The following MYRIP variants were observed in gnomAD, a reference collection of about 807,000 sequenced individuals.
MYRIP encodes myosin VIIA and Rab interacting protein, also known as rab effector MyRIP.
Under a neutral mutation model 98.0 loss-of-function variants are expected in MYRIP, and 49 were observed. The observed-to-expected ratio is 0.50, with a 90% confidence interval of 0.40 to 0.63. The LOEUF (loss-of-function observed/expected upper bound fraction) is 0.63, where lower values mean the gene tolerates loss of function less well. MYRIP is among the 30% of genes least tolerant of loss of function. MYRIP has a pLI of 0.00. For missense variants in MYRIP, 1,004 were observed against 1,058.2 expected, an observed-to-expected ratio of 0.95 and a Z score of 0.71; for synonymous variants, 404 against 409.5, an observed-to-expected ratio of 0.99 and a Z score of 0.16.
At chr3:39,976,314 T>C (rs1433762265) in intron 2 of MYRIP, among the ~76,000 whole-genome samples, 4 of 152,166 alleles carry the variant, frequency 2.6e-5, no homozygotes, top group African/African-American at 9.6e-5. Context: ...TCACTGGCCA[T>C]CAGAGAAATG....
chr3:40,157,672 A>C lies in MYRIP; in HGVS notation c.470-5058A>C, dbSNP rs1478536531. On this transcript the variant is annotated intron_variant, in intron 4 of 16. Coordinates refer to ENST00000302541, the MANE Select transcript of MYRIP (RefSeq NM_015460.4). Reference sequence around the variant, plus strand: ...CTATTGATTATTGCCACAATTTCAGATCCTGTTATTGGTCTATTCAGAGAT... The same window carrying C: ...CTATTGATTATTGCCACAATTTCAGCTCCTGTTATTGGTCTATTCAGAGAT... Among the ~76,000 whole-genome samples, 16 of 149,972 alleles carry C rather than the reference A, an allele frequency of 1.1e-4. No individual in the cohort carries two copies. In the East Asian group the frequency reaches 1.8e-3, roughly 17 times the overall value.
At chr3:40,088,973 G>A (rs906959239) in intron 3 of MYRIP, among the ~76,000 whole-genome samples, 1 of 151,922 alleles carries the variant, frequency 6.6e-6, no homozygotes, top group Non-Finnish European at 1.5e-5. Context: ...CACAGAGAGA[G>A]AGAGATCTAG....
intron 3 of MYRIP, among the ~76,000 whole-genome samples, chr3:40,141,248 GTCT>G (rs1559418147): frequency 6.6e-6 from 1 of 152,150 alleles, no homozygotes; most frequent in African/African-American, 2.4e-5. Flanking sequence ...TCATTTGTAT[GTCT>G]TCTTTTAAAA....
intron 3 of MYRIP, among the ~76,000 whole-genome samples, chr3:40,074,275 C>T (rs147955540): frequency 1.9e-4 from 29 of 152,062 alleles, no homozygotes; most frequent in African/African-American, 6.5e-4. Flanking sequence ...AGGGTTTCAC[C>T]GTGTTAGCCA....
At chr3:40,043,706 A>T (rs1947599804) in intron 2 of MYRIP, among the ~76,000 whole-genome samples, 2 of 152,194 alleles carry the variant, frequency 1.3e-5, no homozygotes, top group Admixed American at 1.3e-4. Context: ...TGCTCCTTTA[A>T]AAAGGCATTA....
chr3:39,907,761 C>T (rs924334849), intron 2 of MYRIP, among the ~76,000 whole-genome samples: 15 of 152,144 alleles, frequency 9.9e-5, no homozygotes, highest in African/African-American at 1.4e-4. Flanking sequence ...TGAAGAAACA[C>T]GCTCAGAGGG....
intron 11 of MYRIP, among the ~76,000 whole-genome samples, chr3:40,232,463 A>C (rs1952690276): frequency 6.6e-6 from 1 of 152,204 alleles, no homozygotes; most frequent in South Asian, 2.1e-4. Context: ...GGAGGAACAC[A>C]TTTTGCAAAA....
chr3:39,886,737 A>C (rs992510991), intron 1 of MYRIP, among the ~76,000 whole-genome samples: 9 of 150,746 alleles, frequency 6.0e-5, no homozygotes, highest in Admixed American at 5.9e-4. Context: ...CACATTAATA[A>C]TGGGAGACTT....
intron 2 of MYRIP, among the ~76,000 whole-genome samples, chr3:40,022,536 A>T (rs1947020524): frequency 6.6e-6 from 1 of 152,196 alleles, no homozygotes; most frequent in Admixed American, 6.5e-5. Flanking sequence ...AATGGCTCTG[A>T]GTATTCATGG....
chr3:40,111,785 A>G (rs1018392824), intron 3 of MYRIP, among the ~76,000 whole-genome samples: 9 of 152,196 alleles, frequency 5.9e-5, no homozygotes, highest in Non-Finnish European at 1.3e-4. Flanking sequence ...ATTATTTGGT[A>G]CACTAAGTAA....
intron 2 of MYRIP, among the ~76,000 whole-genome samples, chr3:40,015,378 C>A (rs1946840489): frequency 1.3e-5 from 2 of 152,208 alleles, no homozygotes; most frequent in Non-Finnish European, 1.5e-5. Context: ...CAGAGTACTG[C>A]AAAGACAAGT....
chr3:40,140,387 A>G (rs778846828), intron 3 of MYRIP, among the ~76,000 whole-genome samples: 3 of 152,184 alleles, frequency 2.0e-5, no homozygotes, highest in Non-Finnish European at 4.4e-5. Flanking sequence ...GGTTAATTCC[A>G]TATCTTGGCT....
upstream of MYRIP, chr3:39,809,520 C>T (rs1284489495): frequency 6.7e-6 from 1 of 148,480 alleles, no homozygotes; most frequent in Non-Finnish European, 1.5e-5. Flanking sequence ...CCTGCACGCG[C>T]CCCCGCCCCG....
chr3:40,143,428 G>A (rs570431142), intron 3 of MYRIP, among the ~76,000 whole-genome samples: 4 of 152,152 alleles, frequency 2.6e-5, no homozygotes, highest in South Asian at 2.1e-4. Context: ...CCCTCTCCCC[G>A]CACCTCTGCC....
intron 1 of MYRIP, chr3:39,810,858 C>G (rs1367574630): frequency 6.6e-6 from 1 of 152,306 alleles, no homozygotes; most frequent in Non-Finnish European, 1.5e-5. Context: ...GAAGCGAGTA[C>G]GCTGTGGGCT....
intron 3 of MYRIP, among the ~76,000 whole-genome samples, chr3:40,078,403 G>A (rs1220037308): frequency 3.3e-5 from 5 of 152,190 alleles, no homozygotes; most frequent in East Asian, 1.9e-4. Flanking sequence ...CTCAAGTGCC[G>A]CCAAAGTGGG....
intron 11 of MYRIP, among the ~76,000 whole-genome samples, chr3:40,221,608 G>T (rs1483871575): frequency 6.6e-6 from 1 of 152,152 alleles, no homozygotes; most frequent in Non-Finnish European, 1.5e-5. Flanking sequence ...TCCACCTTGG[G>T]TGATAAAGTG....
intron 3 of MYRIP, among the ~76,000 whole-genome samples, chr3:40,090,852 G>A (rs1182660761): frequency 3.3e-5 from 5 of 152,162 alleles, no homozygotes; most frequent in Non-Finnish European, 5.9e-5. Context: ...ACTGTAGTTT[G>A]GTGGGCTGTG....
chr3:40,128,519 C>T (rs188026915), intron 3 of MYRIP, among the ~76,000 whole-genome samples: 27 of 152,286 alleles, frequency 1.8e-4, no homozygotes, highest in Non-Finnish European at 2.9e-5. Flanking sequence ...AACTCAGGGC[C>T]TCAATCCCCT....
Sources: allele counts gnomAD v4.1 joint callset (sites outside exome capture counted in the v4.1 genomes callset), GRCh38; gene constraint gnomAD v4.1.1; transcripts MANE v1.5; gene names NCBI Gene and HGNC (gene_info 2026-07-23, HGNC 2026-07-21).